MALRD1: variants seen among roughly 807,000 people sequenced by gnomAD.
The protein encoded by MALRD1 is MAM and LDL-receptor class A domain-containing protein 1.
Under a neutral mutation model 242.1 loss-of-function variants are expected in MALRD1, and 247 were observed. That is an observed-to-expected ratio of 1.02 (90% CI 0.92 to 1.13). MALRD1 has a LOEUF of 1.13. MALRD1 is among the 50% of genes most tolerant of loss of function. The pLI, the probability that MALRD1 is intolerant of heterozygous loss-of-function variation, is 0.00. For synonymous variants in MALRD1, 995 were observed against 866.6 expected, an observed-to-expected ratio of 1.15 and a Z score of -2.60; for missense variants, 2,989 against 2,533.1, an observed-to-expected ratio of 1.18 and a Z score of -3.86.
rs544748395 is a variant in MALRD1, at chr10:19,188,911, G to T, written c.1951+13583G>T. Among the ~76,000 whole-genome samples, 61 of 152,198 alleles carry T rather than the reference G, an allele frequency of 4.0e-4. 3 individuals carry two copies. The South Asian group carries it at 0.012, about 30-fold the overall frequency. ...GGATCTATTTTGAAGGCAGGTAGAA[G>T]TGAAAAGCTTTGATAGAAATGAATA... is the stretch of plus-strand genomic sequence containing the variant. On this transcript the variant is annotated intron_variant, in intron 14 of 39. Transcript: ENST00000454679.
At chr10:19,390,830 A>G (rs867420793) in intron 28 of MALRD1, among the ~76,000 whole-genome samples, 3 of 152,234 alleles carry the variant, frequency 2.0e-5, no homozygotes, top group Non-Finnish European at 2.9e-5. Context: ...GAACTCTTCT[A>G]TAATGATGCA....
At chr10:19,449,633 A>G (rs757988452) in intron 28 of MALRD1, among the ~76,000 whole-genome samples, 126 of 152,252 alleles carry the variant, frequency 8.3e-4, no homozygotes, top group Non-Finnish European at 1.5e-3. Flanking sequence ...AAGAATTGCA[A>G]TTTGGGGCAT....
intron 38 of MALRD1, among the ~76,000 whole-genome samples, chr10:19,720,569 A>G (rs1023932598): frequency 1.3e-5 from 2 of 152,124 alleles, no homozygotes; most frequent in Admixed American, 1.3e-4. Context: ...GCCTCTAATA[A>G]ATATACATAC....
At chr10:19,674,827 G>C (rs1422457146) in intron 36 of MALRD1, among the ~76,000 whole-genome samples, 1 of 150,828 alleles carries the variant, frequency 6.6e-6, no homozygotes, top group Non-Finnish European at 1.5e-5. Flanking sequence ...CCCAGTTTCT[G>C]AATTATTTAG....
intron 18 of MALRD1, among the ~76,000 whole-genome samples, chr10:19,216,418 T>C (rs1410523844): frequency 3.3e-5 from 5 of 151,944 alleles, no homozygotes; most frequent in Non-Finnish European, 5.9e-5. Context: ...CCTAGCTTTC[T>C]ACTTCTTTCT....
At chr10:19,496,187 T>C (rs565403397) in intron 30 of MALRD1, among the ~76,000 whole-genome samples, 1 of 152,158 alleles carries the variant, frequency 6.6e-6, no homozygotes, top group South Asian at 2.1e-4. Context: ...ACAAAGATAT[T>C]CAGGACCTGA....
intron 28 of MALRD1, among the ~76,000 whole-genome samples, chr10:19,432,359 T>G (rs955500515): frequency 6.6e-5 from 10 of 152,212 alleles, no homozygotes; most frequent in African/African-American, 2.4e-4. Context: ...TTTGTGCAAT[T>G]TAGTTATGCA....
intron 33 of MALRD1, among the ~76,000 whole-genome samples, chr10:19,585,694 A>G (rs1323196632): frequency 6.6e-6 from 1 of 151,920 alleles, no homozygotes; most frequent in Non-Finnish European, 1.5e-5. Context: ...GAATCTGACA[A>G]TTATGTGTCT....
intron 33 of MALRD1, among the ~76,000 whole-genome samples, chr10:19,592,814 C>T (rs1837886966): frequency 6.7e-6 from 1 of 149,806 alleles, no homozygotes; most frequent in Non-Finnish European, 1.5e-5. Context: ...AACTGGGAAA[C>T]ATAAAAGTCT....
chr10:19,245,064 T>C lies in MALRD1; in HGVS notation c.2992-12620T>C, dbSNP rs373147830. Among the ~76,000 whole-genome samples, 123 of 152,276 alleles carry C rather than the reference T, an allele frequency of 8.1e-4. 1 individual carries two copies. Among genetic ancestry groups the C allele is most frequent in the African/African-American group, 2.8e-3 (117 of 41,558 alleles). ...AGCATACCTCTTAGAATCCAAGGGATGAAAAGCAGGTACAAATAAATTGTG... is the reference window on the plus strand; with the variant it reads ...AGCATACCTCTTAGAATCCAAGGGACGAAAAGCAGGTACAAATAAATTGTG... On this transcript the variant is annotated intron_variant, in intron 18 of 39. Transcript: ENST00000454679.
At chr10:19,619,654 C>G (rs772777552) in intron 36 of MALRD1, among the ~76,000 whole-genome samples, 1 of 152,026 alleles carries the variant, frequency 6.6e-6, no homozygotes, top group Non-Finnish European at 1.5e-5. Flanking sequence ...AGTTGCTTTT[C>G]TGAAAGAAAC....
At chr10:19,688,524 G>A (rs1049586414) in intron 36 of MALRD1, among the ~76,000 whole-genome samples, 8 of 152,106 alleles carry the variant, frequency 5.3e-5, no homozygotes, top group Non-Finnish European at 1.5e-5. Flanking sequence ...GTCTCCCAAA[G>A]TGCTGGAATT....
intron 33 of MALRD1, among the ~76,000 whole-genome samples, chr10:19,583,324 A>C (rs1313143423): frequency 1.3e-5 from 2 of 149,410 alleles, no homozygotes; most frequent in Non-Finnish European, 3.0e-5. Context: ...GAATGCTTCC[A>C]GTTTTTGCCC....
chr10:19,725,336 G>C (rs1447533481), intron 38 of MALRD1, among the ~76,000 whole-genome samples: 1 of 152,108 alleles, frequency 6.6e-6, no homozygotes, highest in East Asian at 1.9e-4. Flanking sequence ...GCTTTAGACG[G>C]GGCTTTTCCG....
At chr10:19,234,776 A>G (rs12354759) in intron 18 of MALRD1, among the ~76,000 whole-genome samples, 20,062 of 152,168 alleles carry the variant, frequency 0.13, 1,669 homozygotes, top group Admixed American at 0.26. Context: ...CATGGAGTTT[A>G]TTTTAAAGAG....
At position 19,734,203 on chromosome 10, in the gene MALRD1, G is replaced by A; in HGVS notation, c.6437G>A (p.Gly2146Glu). 6.5e-7 allele frequency: 1 copy of A among 1,535,830 alleles called. No individual in the cohort carries two copies. Among genetic ancestry groups the A allele is most frequent in the Non-Finnish European group, 8.7e-7 (1 of 1,146,738 alleles). The change falls in exon 40 of 40, where the codon GGA becomes GAA. Residue 2146 changes from glycine to glutamate, a missense_variant. Gly to Glu is a moderately conservative substitution (Grantham distance 98). Transcript: ENST00000454679. ...FSNPLYGTTS[G>E]SLETLSHHLK ...AACCCATTATATGGCACAACATCAGGAAGCCTGGAGACCCTGTCACATCAT... is the reference window on the plus strand; with the variant it reads ...AACCCATTATATGGCACAACATCAGAAAGCCTGGAGACCCTGTCACATCAT...
At chr10:19,606,453 C>T (rs1838628524) in intron 34 of MALRD1, among the ~76,000 whole-genome samples, 1 of 152,136 alleles carries the variant, frequency 6.6e-6, no homozygotes, top group African/African-American at 2.4e-5. Flanking sequence ...TTCTGACTAT[C>T]TACTGCTGCC....
At chr10:19,388,766 T>C (rs1003891236) in intron 27 of MALRD1, among the ~76,000 whole-genome samples, 3 of 151,758 alleles carry the variant, frequency 2.0e-5, no homozygotes, top group Non-Finnish European at 2.9e-5. Flanking sequence ...GTGAAGGAAC[T>C]TTTTTCCTTG....
At chr10:19,392,185 T>G (rs1371878423) in intron 28 of MALRD1, among the ~76,000 whole-genome samples, 2 of 152,216 alleles carry the variant, frequency 1.3e-5, no homozygotes, top group African/African-American at 4.8e-5. Context: ...CATGGAATTC[T>G]TAACACACCC....
Sources: allele counts gnomAD v4.1 joint callset (sites outside exome capture counted in the v4.1 genomes callset), GRCh38; gene constraint gnomAD v4.1.1; transcripts MANE v1.5; gene names NCBI Gene and HGNC (gene_info 2026-07-23, HGNC 2026-07-21).